SVIL: variants seen among roughly 807,000 people sequenced by gnomAD.
SVIL encodes the protein archvillin.
A neutral mutation model predicts 240.4 loss-of-function variants in SVIL; 101 were observed. The observed-to-expected ratio is 0.42, with a 90% CI of 0.36 to 0.50. SVIL has a LOEUF of 0.50. Among genes scored for constraint, SVIL ranks in the 20% least tolerant of loss-of-function variants. The pLI is 0.01. For missense variants in SVIL, 2,512 were observed against 2,818.7 expected (o/e 0.89, Z 2.46); for synonymous variants, 999 against 1,100.0 (o/e 0.91, Z 1.82).
chr10:29,473,796 G>T (rs573965308), intron 30 of SVIL, 42 bp downstream of exon 30: 15 of 1,609,978 alleles, frequency 9.3e-6, no homozygotes, highest in Non-Finnish European at 1.1e-5. Context: ...AGGAGAGGAT[G>T]CTCCTCTCAG....
At chr10:29,700,579 T>G (rs1161840461) in intron 1 of SVIL, among the ~76,000 whole-genome samples, 1 of 146,038 alleles carries the variant, frequency 6.8e-6, no homozygotes, top group Admixed American at 7.1e-5. Context: ...CACACCATTC[T>G]CCTGCCTCAG....
intron 1 of SVIL, among the ~76,000 whole-genome samples, chr10:29,708,368 C>A (rs1963052894): frequency 1.3e-5 from 2 of 151,904 alleles, no homozygotes; most frequent in South Asian, 2.1e-4. Context: ...CGCCTGTAAT[C>A]CCAGCACTTT....
chr10:29,554,485 A>G (rs767425286), intron 5 of SVIL, among the ~76,000 whole-genome samples: 20 of 151,882 alleles, frequency 1.3e-4, no homozygotes, highest in Non-Finnish European at 1.9e-4. Flanking sequence ...CTCTACAAAA[A>G]TGTTTAAAAA....
At chr10:29,544,354 G>C (rs1332034961) in intron 6 of SVIL, among the ~76,000 whole-genome samples, 2 of 152,148 alleles carry the variant, frequency 1.3e-5, no homozygotes, top group Admixed American at 6.5e-5. Flanking sequence ...CAAGGACACA[G>C]GCTCAAGGAA....
At chr10:29,676,376 G>T (rs564851234) in intron 2 of SVIL, among the ~76,000 whole-genome samples, 132 of 118,242 alleles carry the variant, frequency 1.1e-3, no homozygotes, top group African/African-American at 4.5e-3. Flanking sequence ...GGAAAAAAAA[G>T]AGTGTGTGTG....
intron 1 of SVIL, chr10:29,576,186 G>A: frequency 1.1e-6 from 1 of 892,080 alleles, no homozygotes; most frequent in Non-Finnish European, 1.3e-6. Flanking sequence ...AGACCTTTAT[G>A]GACACTCATA....
chr10:29,705,032 T>C (rs191474270), intron 1 of SVIL, among the ~76,000 whole-genome samples: 8 of 152,336 alleles, frequency 5.3e-5, no homozygotes, highest in Non-Finnish European at 8.8e-5. Context: ...ATTAATGCCT[T>C]TGAAATGTAA....
intron 36 of SVIL, among the ~76,000 whole-genome samples, chr10:29,459,616 A>G (rs542199067): frequency 2.0e-5 from 3 of 152,304 alleles, no homozygotes; most frequent in Admixed American, 1.3e-4. Flanking sequence ...AGCAGAATCA[A>G]TTTTTTTGTT....
chr10:29,486,407 T>C lies in SVIL; in HGVS notation c.4633+3A>G. 1 of 1,614,134 alleles carries C rather than the reference T, an allele frequency of 6.2e-7. No homozygotes were observed. Among genetic ancestry groups the C allele is most frequent in the African/African-American group, 1.3e-5 (1 of 75,058 alleles). On this transcript the variant is annotated splice_donor_region_variant and intron_variant, in intron 25 of 37. Transcript: ENST00000355867. Reference sequence around the variant, plus strand: ...CAATCTCTGAAGTACAATGAAGTCTTACATTGGTAACTGGTTTGGCCACCC... The same window carrying C: ...CAATCTCTGAAGTACAATGAAGTCTCACATTGGTAACTGGTTTGGCCACCC...
intron 18 of SVIL, among the ~76,000 whole-genome samples, chr10:29,498,005 C>T (rs960549318): frequency 7.3e-5 from 10 of 137,576 alleles, no homozygotes; most frequent in African/African-American, 2.4e-4. Context: ...TTGCTTGAAC[C>T]TGGGAGGCAG....
At chr10:29,670,338 A>G (rs1345269917) in intron 2 of SVIL, among the ~76,000 whole-genome samples, 4 of 152,218 alleles carry the variant, frequency 2.6e-5, no homozygotes, top group Non-Finnish European at 5.9e-5. Flanking sequence ...GGAAACAAAG[A>G]TTTCCAGCAA....
chr10:29,557,252 C>T (rs1413615850), intron 3 of SVIL, among the ~76,000 whole-genome samples: 5 of 151,520 alleles, frequency 3.3e-5, no homozygotes, highest in East Asian at 2.0e-4. Context: ...TGTGCCACCA[C>T]GCCTGGCTAG....
At position 29,487,198 on chromosome 10, in the gene SVIL, C is replaced by T; in HGVS notation, c.4450G>A (p.Val1484Ile). 1.2e-6 allele frequency: 2 copies of T among 1,614,018 alleles called. No homozygotes were observed. The highest frequency in any genetic ancestry group is 1.7e-6 in the Non-Finnish European group (2 of 1,179,968). Residue 1484 changes from valine (V) to isoleucine (I), a missense_variant, in exon 24 of 38, where the codon GTA becomes ATA. Around this residue, in one of 3 missense-constraint regions of SVIL, gnomAD observed 272 missense variants for 406.8 expected, o/e 0.67. Transcript: ENST00000355867. ...LLSPHCCFLW[V>I]GEFANVIEKA... ...TCTATGACGTTTGCAAACTCTCCTA[C>T]CCACAGGAAGCAGCAGTGGGGAGAG...
At chr10:29,607,045 A>G (rs1012174152) in intron 1 of SVIL, among the ~76,000 whole-genome samples, 12 of 152,226 alleles carry the variant, frequency 7.9e-5, no homozygotes, top group Non-Finnish European at 1.6e-4. Context: ...ATGAGCCACT[A>G]TGCCTGGCCT....
chr10:29,681,406 G>GGTGTGTGTGTGTGT (rs55839039), intron 2 of SVIL, among the ~76,000 whole-genome samples: 95 of 134,982 alleles, frequency 7.0e-4, no homozygotes, highest in Middle Eastern at 3.6e-3. Flanking sequence ...AAGATGGAAT[G>GGTGTGTGTGTGTGT]GTGTGTGTGT....
chr10:29,561,084 G>C (rs916807379), intron 3 of SVIL, among the ~76,000 whole-genome samples: 3 of 149,930 alleles, frequency 2.0e-5, no homozygotes, highest in African/African-American at 7.4e-5. Context: ...GCCTCCCAAA[G>C]TGCTGGGATT....
intron 1 of SVIL, among the ~76,000 whole-genome samples, chr10:29,726,196 A>G (rs1256168985): frequency 6.6e-6 from 1 of 152,162 alleles, no homozygotes; most frequent in Non-Finnish European, 1.5e-5. Context: ...TGCTGGGATT[A>G]CAGGCATGCA....
upstream of SVIL, among the ~76,000 whole-genome samples, chr10:29,639,483 T>G (rs1005038772): frequency 6.6e-6 from 1 of 151,232 alleles, no homozygotes; most frequent in Non-Finnish European, 1.5e-5. Context: ...TTTTTTTTTT[T>G]TTTGAGATGG....
chr10:29,663,635 C>T (rs758000004), intron 2 of SVIL, among the ~76,000 whole-genome samples: 10 of 152,234 alleles, frequency 6.6e-5, no homozygotes, highest in Non-Finnish European at 1.2e-4. Context: ...GGATTACAGG[C>T]GTGAGCCACC....
Sources: gnomAD v4.1 joint callset for allele counts (sites outside exome capture counted in the v4.1 genomes callset) on GRCh38, gnomAD v4.1.1 for gene constraint, gnomAD v4.1.1 regional missense constraint, MANE v1.5 for transcripts, NCBI Gene and HGNC (gene_info 2026-07-23, HGNC 2026-07-21) for gene names.